IBTK: variants seen among roughly 807,000 people sequenced by gnomAD.
IBTK encodes BTK-binding protein.
IBTK carries 83 observed loss-of-function variants against 154.9 expected under a neutral mutation model. That is an observed-to-expected ratio of 0.54 (90% CI 0.45 to 0.64). The LOEUF (loss-of-function observed/expected upper bound fraction) is 0.64. Ranked by LOEUF, IBTK falls within the 30% of genes least tolerant of loss-of-function variation. The pLI is 0.00. For synonymous variants in IBTK, 515 were observed against 536.1 expected, an observed-to-expected ratio of 0.96 and a Z score of 0.54; for missense variants, 1,332 against 1,584.6, an observed-to-expected ratio of 0.84 and a Z score of 2.71.
chr6:82,201,575 T>C, intron 18 of IBTK, 93 bp from the exon 19 acceptor site: 1 of 800,672 alleles, frequency 1.2e-6, no homozygotes, highest in Non-Finnish European at 2.0e-6. Context: ...TATTGCTAGA[T>C]AAGTAACAAA....
chr6:82,218,184 GAACAACC>G, intron 9 of IBTK, 47 bp from the exon 10 acceptor site: 1 of 1,371,048 alleles, frequency 7.3e-7, no homozygotes, highest in Middle Eastern at 1.9e-4. Context: ...AGTAGCATTT[GAACAACC>G]AAAACCTTAA....
At chr6:82,224,933 A>C (rs141517203) in intron 6 of IBTK, among the ~76,000 whole-genome samples, 1 of 152,330 alleles carries the variant, frequency 6.6e-6, no homozygotes, top group East Asian at 1.9e-4. Flanking sequence ...CCAAGTGCAG[A>C]ATTTCCCAAG....
intron 11 of IBTK, 131 bp downstream of exon 11, chr6:82,215,945 T>C (rs942956855): frequency 5.0e-6 from 3 of 605,262 alleles, no homozygotes; most frequent in African/African-American, 3.8e-5. Context: ...TCTGTAAACA[T>C]GATTATGTCT....
At chr6:82,189,038 A>G (rs1401146520) in intron 25 of IBTK, 4 of 449,856 alleles carry the variant, frequency 8.9e-6, no homozygotes, top group Non-Finnish European at 1.8e-5. Flanking sequence ...TCAAAAAAAA[A>G]GAAGAAAAAG....
intron 22 of IBTK, among the ~76,000 whole-genome samples, 158 bp downstream of exon 22, chr6:82,196,140 G>A (rs1319249132): frequency 6.6e-6 from 1 of 152,150 alleles, no homozygotes; most frequent in African/African-American, 2.4e-5. Context: ...AAATAGAAAT[G>A]TTGTGCAAAT....
chr6:82,247,441 G>C, intron 1 of IBTK, 121 bp downstream of exon 1: 2 of 395,140 alleles, frequency 5.1e-6, no homozygotes, highest in Non-Finnish European at 8.9e-6. Flanking sequence ...CCCTCCCCAC[G>C]GTCCCCCCGC....
At position 82,180,177 on chromosome 6, in the gene IBTK, A is replaced by C. The variant is rs1768267342; in HGVS notation, c.3725+1702T>G. Among the ~76,000 whole-genome samples the C allele has an allele frequency of 2.0e-5, 3 of 152,188 alleles. No homozygotes were observed. In the South Asian group the frequency reaches 6.2e-4, roughly 31 times the overall value. ...ATAAGCCTATCATAATTATAATTGT[A>C]ATTTATAAATATGCAAAAAGGCTTA... On this transcript the variant is annotated intron_variant, in intron 26 of 28. Coordinates refer to ENST00000306270, the MANE Select transcript of IBTK (RefSeq NM_015525.4).
At chr6:82,199,007 TA>T (rs546516205) in intron 21 of IBTK, among the ~76,000 whole-genome samples, 2,608 of 147,932 alleles carry the variant, frequency 0.018, 29 homozygotes, top group Non-Finnish European at 0.025. Flanking sequence ...TTGTTAATGT[TA>T]AAAAAAAAAG....
At position 82,217,990 on chromosome 6, in the gene IBTK, C is replaced by A; in HGVS notation, c.1396G>T (p.Glu466Ter). 1 of 1,605,470 alleles carries A rather than the reference C, an allele frequency of 6.2e-7. No homozygotes were observed. Among genetic ancestry groups the A allele is most frequent in the South Asian group, 1.1e-5 (1 of 89,358 alleles). ...DGEGFRGRWF[E>*]EKRKSSEKKE... ...TTTTCAGAACTCTTTCTTTTCTCTT[C>A]AAACCATCTCCCTCTAAATCCTTCT... The change falls in exon 10 of 29, where the codon GAA (glutamate) becomes TAA (stop). Residue 466 changes from glutamate (E) to a stop codon, truncating the protein, a stop_gained. Coordinates refer to ENST00000306270, the MANE Select transcript of IBTK (RefSeq NM_015525.4). LOFTEE classifies it high-confidence loss of function.
At chr6:82,238,205 C>G (rs1383683649) in intron 2 of IBTK, among the ~76,000 whole-genome samples, 2 of 151,810 alleles carry the variant, frequency 1.3e-5, no homozygotes, top group African/African-American at 4.8e-5. Flanking sequence ...GATCACACCA[C>G]TGCACTCCAG....
chr6:82,202,168 A>C (rs770353944), intron 18 of IBTK, among the ~76,000 whole-genome samples: 8 of 152,236 alleles, frequency 5.3e-5, no homozygotes, highest in Non-Finnish European at 1.2e-4. Flanking sequence ...GAAGTAAAAT[A>C]TAAAAATAAA....
chr6:82,209,238 G>A (rs1003045037), intron 16 of IBTK, among the ~76,000 whole-genome samples: 3 of 152,104 alleles, frequency 2.0e-5, no homozygotes, highest in Non-Finnish European at 4.4e-5. Context: ...CAAGAAAAAT[G>A]AAAACATAGG....
At chr6:82,204,487 C>T (rs1487658372) in intron 17 of IBTK, among the ~76,000 whole-genome samples, 1 of 151,990 alleles carries the variant, frequency 6.6e-6, no homozygotes, top group Admixed American at 6.5e-5. Flanking sequence ...AAAATCACTG[C>T]AAATAGTAGA....
chr6:82,212,610 A>G, intron 13 of IBTK, 97 bp downstream of exon 13: 2 of 753,120 alleles, frequency 2.7e-6, no homozygotes, highest in South Asian at 1.4e-5. Context: ...GTATCTACCT[A>G]TACATTTTGC....
intron 8 of IBTK, among the ~76,000 whole-genome samples, chr6:82,221,000 CCTG>C (rs1464125657): frequency 6.8e-6 from 1 of 147,204 alleles, no homozygotes; most frequent in African/African-American, 2.5e-5. Flanking sequence ...TGAAGTTCCA[CCTG>C]CTAATTCAAA....
At chr6:82,244,376 T>C (rs943053117) in intron 1 of IBTK, among the ~76,000 whole-genome samples, 9 of 152,246 alleles carry the variant, frequency 5.9e-5, no homozygotes, top group Non-Finnish European at 8.8e-5. Context: ...AATTCTTACT[T>C]GCCTTCCCTG....
intron 21 of IBTK, among the ~76,000 whole-genome samples, chr6:82,199,060 G>C (rs966507320): frequency 1.3e-5 from 2 of 152,090 alleles, no homozygotes; most frequent in African/African-American, 4.8e-5. Flanking sequence ...ATGTGGATAT[G>C]AAGTATAATA....
In IBTK at chr6:82,191,980, A is replaced by G. The variant is rs112378191; in HGVS notation, c.3339-101T>C. ...TAAGTGATATGTGAGATTAATAATC[A>G]GAGTATAATTTAGATTTATCAGCTG... is the stretch of plus-strand genomic sequence containing the variant. On this transcript the variant is annotated intron_variant, in intron 23 of 28. Transcript: ENST00000306270. 1,115 of 646,512 alleles carry G rather than the reference A, an allele frequency of 1.7e-3. 12 individuals carry two copies. In the African/African-American group the frequency reaches 0.018, roughly 11 times the overall value. 40.0% of individuals were successfully genotyped at this position (646,512 alleles called of 1,614,324 possible).
chr6:82,246,389 C>T lies in IBTK; in HGVS notation c.-358+1173G>A, dbSNP rs141975373. On this transcript the variant is annotated intron_variant, in intron 1 of 28. Coordinates refer to ENST00000306270, the MANE Select transcript of IBTK (RefSeq NM_015525.4). ...CACCAAGTTGGCCTCGAACTCCTGA[C>T]CTCAAGTGATCCGCCCACCTTGGCC... Among the ~76,000 whole-genome samples the T allele has an allele frequency of 6.8e-3, 1,024 of 150,658 alleles. 9 individuals carry two copies. Among genetic ancestry groups the T allele is most frequent in the Non-Finnish European group, 0.012 (818 of 67,838 alleles).
Sources: allele counts gnomAD v4.1 joint callset (sites outside exome capture counted in the v4.1 genomes callset), GRCh38; gene constraint gnomAD v4.1.1; transcripts MANE v1.5; gene names NCBI Gene and HGNC (gene_info 2026-07-23, HGNC 2026-07-21).